Variants in TRMT11 observed in about 807,000 individuals in gnomAD.
TRMT11 encodes tRNA methyltransferase 11, also known as tRNA (guanine(10)-N(2))-methyltransferase TRMT11.
In TRMT11, 53 loss-of-function variants were observed where a neutral mutation model predicts 62.8. The observed-to-expected ratio is 0.84, with a 90% CI of 0.68 to 1.06. The LOEUF (loss-of-function observed/expected upper bound fraction) is 1.06, where lower values mean the gene tolerates loss of function less well. Among genes scored for constraint, TRMT11 ranks in the 50% least tolerant of loss-of-function variants. The pLI is 0.00. For synonymous variants in TRMT11, 188 were observed against 190.3 expected, an observed-to-expected ratio of 0.99 and a Z score of 0.10; for missense variants, 556 against 553.4, an observed-to-expected ratio of 1.00 and a Z score of -0.05.
chr6:126,093,105 A>T (rs1447797921), intron 17 of TRMT11, among the ~76,000 whole-genome samples: 1 of 152,202 alleles, frequency 6.6e-6, no homozygotes, highest in African/African-American at 2.4e-5. Context: ...GGAAAGAGGG[A>T]GTCTTTTTGG....
At chr6:126,140,881 A>T (rs573571127) in intron 21 of TRMT11, among the ~76,000 whole-genome samples, 40 of 152,208 alleles carry the variant, frequency 2.6e-4, no homozygotes, top group African/African-American at 9.1e-4. Flanking sequence ...TTTCATAATG[A>T]CACCTTCGAT....
At chr6:126,014,364 C>T (rs1381435522) in intron 11 of TRMT11, among the ~76,000 whole-genome samples, 1 of 152,180 alleles carries the variant, frequency 6.6e-6, no homozygotes, top group Non-Finnish European at 1.5e-5. Flanking sequence ...GATACTCCCA[C>T]CTCAGCCTTC....
chr6:126,255,043 A>T, the TRMT11 span, among the ~76,000 whole-genome samples: 1 of 152,180 alleles, frequency 6.6e-6, no homozygotes, highest in African/African-American at 2.4e-5. Flanking sequence ...ACCTAGTGAT[A>T]GAAACTAAAG....
chr6:126,190,489 C>G (rs1204884076), intron 1 of TRMT11, among the ~76,000 whole-genome samples: 1 of 152,120 alleles, frequency 6.6e-6, no homozygotes, highest in African/African-American at 2.4e-5. Flanking sequence ...CTGAGGCCTC[C>G]CATCCATGCT....
intron 12 of TRMT11, among the ~76,000 whole-genome samples, chr6:126,023,715 CT>C (rs1796161831): frequency 6.6e-6 from 1 of 152,154 alleles, no homozygotes; most frequent in African/African-American, 2.4e-5. Flanking sequence ...ATGTTGAATA[CT>C]TTCAGCTGGT....
In TRMT11 at chr6:126,071,141, G is replaced by A. The variant is rs1379710715; in HGVS notation, c.*1437+17951G>A. 2.0e-5 allele frequency among the ~76,000 whole-genome samples: 3 copies of A among 152,194 alleles called. 1 individual carries two copies. Among genetic ancestry groups the A allele is most frequent in the Admixed American group, 2.0e-4 (3 of 15,274 alleles). On this transcript the variant is annotated intron_variant and NMD_transcript_variant, in intron 17 of 22. Coordinates refer to the TRMT11 transcript ENST00000648977. Reference sequence around the variant, plus strand: ...AGTAACAGTTCTTCTCCTCCCACACGTGAGCCTTTGGATGCAGTAGTTTTC... The same window carrying A: ...AGTAACAGTTCTTCTCCTCCCACACATGAGCCTTTGGATGCAGTAGTTTTC...
chr6:125,996,289 A>G (rs1791497963), intron 3 of TRMT11, among the ~76,000 whole-genome samples: 1 of 152,248 alleles, frequency 6.6e-6, no homozygotes, highest in South Asian at 2.1e-4. Flanking sequence ...ATGCGGGAGT[A>G]TAGTATGAGA....
Position 125,999,599 on chromosome 6 carries a change from C to T in TRMT11, c.665C>T (p.Pro222Leu), listed in dbSNP as rs763119634. 2 of 1,608,518 alleles carry T rather than the reference C, an allele frequency of 1.2e-6. No individual in the cohort carries two copies. The highest frequency in any genetic ancestry group is 1.3e-5 in the African/African-American group (1 of 74,764). ...AAAGAAAATGATATTGTCTTTGATC[C>T]ATTTGTTGGAACAGGTATTTTTATT... ...KVKENDIVFD[P>L]FVGTGGLLIA... Residue 222 changes from proline to leucine, a missense_variant, in exon 7 of 13, where the codon CCA (proline) becomes CTA (leucine). Transcript: ENST00000334379.
At chr6:126,106,594 T>A (rs1470781727) in intron 17 of TRMT11, among the ~76,000 whole-genome samples, 1 of 152,170 alleles carries the variant, frequency 6.6e-6, no homozygotes, top group East Asian at 1.9e-4. Flanking sequence ...GGAGAGAGAC[T>A]TGGGTTTGAA....
Position 126,012,953 on chromosome 6 carries a change from T to G in TRMT11, c.1008-17T>G, listed in dbSNP as rs768066169. 2 of 1,608,184 alleles carry G rather than the reference T, an allele frequency of 1.2e-6. No individual in the cohort carries two copies. Among genetic ancestry groups the G allele is most frequent in the South Asian group, 2.2e-5 (2 of 90,574 alleles). ...AAAATTTTTCACTGATTTTGAAATT[T>G]TCTTTTCTTTGTGTAGTCCAGAAAG... On this transcript the variant is annotated splice_polypyrimidine_tract_variant and intron_variant, in intron 10 of 12. Coordinates refer to ENST00000334379, the MANE Select transcript of TRMT11 (RefSeq NM_001031712.3).
chr6:126,206,733 C>G (rs538958398), downstream of TRMT11, among the ~76,000 whole-genome samples: 1 of 152,292 alleles, frequency 6.6e-6, no homozygotes, highest in East Asian at 1.9e-4. Flanking sequence ...TCAAAACATA[C>G]TTATCTTCTG....
Position 126,151,838 on chromosome 6 carries a change from C to CTTTCTTTCTTTCTTTG in TRMT11, c.*1824-22972_*1824-22971insGTTTCTTTCTTTCTTT, listed in dbSNP as rs1562334779. On this transcript the variant is annotated intron_variant and NMD_transcript_variant, in intron 21 of 22. Transcript: ENST00000648977. ...TCTTTCTTTCTTTCTTTCTTTCTTTCTTTCTTTCTTTCTTTCTTTCTTTCT... is the reference window on the plus strand; with the variant it reads ...TCTTTCTTTCTTTCTTTCTTTCTTTCTTTCTTTCTTTCTTTGTTTCTTTCTTTCTTTCTTTCTTTCT... 2.7e-4 allele frequency among the ~76,000 whole-genome samples: 35 copies of CTTTCTTTCTTTCTTTG among 129,616 alleles called. 1 individual carries two copies. The highest frequency in any genetic ancestry group is 1.0e-3 in the African/African-American group (35 of 33,552). The allele number at this position is 129,616 out of a possible 152,430, so 85.0% of individuals were successfully genotyped here.
In TRMT11 at chr6:126,186,839, G is replaced by C. The variant is rs550189570; in HGVS notation, n.143+9504G>C. 8.9e-4 allele frequency among the ~76,000 whole-genome samples: 135 copies of C among 151,978 alleles called. No homozygotes were observed. The South Asian group carries it at 0.028, about 31-fold the overall frequency. On this transcript the variant is annotated intron_variant and non_coding_transcript_variant, in intron 1 of 3. Transcript: ENST00000444229. ...ATCACGAGAGCTCATGAAGTGCTGG[G>C]TAAAATTAATGAAAAATGACCTTAA...
At chr6:126,271,381 A>G in the TRMT11 span, among the ~76,000 whole-genome samples, 669 of 150,288 alleles carry the variant, frequency 4.5e-3, 11 homozygotes, top group African/African-American at 0.015. Flanking sequence ...AAAAAAAAAA[A>G]AAAAAAAGAA....
At chr6:126,031,786 G>A (rs556670798) in intron 12 of TRMT11, among the ~76,000 whole-genome samples, 2 of 152,278 alleles carry the variant, frequency 1.3e-5, no homozygotes, top group East Asian at 3.9e-4. Context: ...CCATAGGGAT[G>A]TTTGGAGAGT....
intron 21 of TRMT11, among the ~76,000 whole-genome samples, chr6:126,133,661 A>C (rs111743419): frequency 6.6e-6 from 1 of 151,970 alleles, no homozygotes; most frequent in Non-Finnish European, 1.5e-5. Flanking sequence ...TGTATTTCTC[A>C]GGAAGATTGG....
At chr6:126,253,130 G>A in the TRMT11 span, among the ~76,000 whole-genome samples, 5 of 151,776 alleles carry the variant, frequency 3.3e-5, no homozygotes, top group Admixed American at 2.0e-4. Flanking sequence ...AATCTAAAAT[G>A]TGTATACATA....
At chr6:126,102,045 A>G (rs1562323219) in intron 17 of TRMT11, among the ~76,000 whole-genome samples, 1 of 152,190 alleles carries the variant, frequency 6.6e-6, no homozygotes, top group Non-Finnish European at 1.5e-5. Context: ...AGTGCGTTCT[A>G]AATTTGAATT....
At chr6:126,159,927 AT>A (rs1319347542) in intron 21 of TRMT11, among the ~76,000 whole-genome samples, 2 of 152,244 alleles carry the variant, frequency 1.3e-5, no homozygotes, top group African/African-American at 4.8e-5. Context: ...GTCAACAGGA[AT>A]TGGAAGGAAA....
Sources: allele counts gnomAD v4.1 joint callset (sites outside exome capture counted in the v4.1 genomes callset), GRCh38; gene constraint gnomAD v4.1.1; transcripts MANE v1.5; gene names NCBI Gene and HGNC (gene_info 2026-07-23, HGNC 2026-07-21).